Variants in CAMK2B observed in about 807,000 individuals in gnomAD.
The protein encoded by CAMK2B is calcium/calmodulin-dependent protein kinase type II subunit beta.
Under a neutral mutation model 93.7 loss-of-function variants are expected in CAMK2B, and 27 were observed. The observed-to-expected ratio is 0.29, with a 90% CI of 0.21 to 0.40. The LOEUF is 0.40. Ranked by LOEUF, CAMK2B falls within the 10% of genes least tolerant of loss-of-function variation. CAMK2B has a pLI of 1.00. For missense variants in CAMK2B, 568 were observed against 895.8 expected, an observed-to-expected ratio of 0.63 and a Z score of 4.67; for synonymous variants, 374 against 358.8, an observed-to-expected ratio of 1.04 and a Z score of -0.48.
At position 44,234,441 on chromosome 7, in the gene CAMK2B, T is replaced by C; in HGVS notation, c.1080A>G (p.Lys360=). Residue 360 remains lysine, a synonymous_variant, in exon 15 of 24, where the codon AAA becomes AAG. Coordinates refer to ENST00000395749, the MANE Select transcript of CAMK2B (RefSeq NM_001220.5). ...DGVKPQTNST[K]NSAAATSPKG... ...TGGGGCTGGTGGCGGCTGCACTGTTTTTGGTGCTATTCGTCTGGGGCTGTG... is the reference window on the plus strand; with the variant it reads ...TGGGGCTGGTGGCGGCTGCACTGTTCTTGGTGCTATTCGTCTGGGGCTGTG... 1.3e-6 allele frequency: 2 copies of C among 1,557,314 alleles called. No individual in the cohort carries two copies. Among genetic ancestry groups the C allele is most frequent in the Non-Finnish European group, 8.7e-7 (1 of 1,155,378 alleles).
chr7:44,301,631 G>C (rs1790060668), intron 1 of CAMK2B, among the ~76,000 whole-genome samples: 2 of 152,048 alleles, frequency 1.3e-5, no homozygotes, highest in African/African-American at 4.8e-5. Flanking sequence ...ACAAAATCTA[G>C]CCGGGCATGG....
chr7:44,240,704 C>T lies in CAMK2B; in HGVS notation c.946+3G>A, dbSNP rs781621914. 3 of 1,613,864 alleles carry T rather than the reference C, an allele frequency of 1.9e-6. No individual in the cohort carries two copies. Among genetic ancestry groups the T allele is most frequent in the African/African-American group, 1.3e-5 (1 of 74,944 alleles). On this transcript the variant is annotated splice_donor_region_variant and intron_variant, in intron 12 of 23. Transcript: ENST00000395749. ...CCTGTCTCCCTGGAGAAGAAAGGCT[C>T]ACCTGAGAAATTCCGTGTGGCCAGC...
At chr7:44,322,560 G>C (rs34585441) in intron 1 of CAMK2B, among the ~76,000 whole-genome samples, 1 of 152,168 alleles carries the variant, frequency 6.6e-6, no homozygotes, top group Non-Finnish European at 1.5e-5. Context: ...GGGCCATGCC[G>C]GGCTGAGGGC....
chr7:44,228,681 C>T (rs775706025), intron 19 of CAMK2B, 115 bp downstream of exon 19: 30 of 1,018,742 alleles, frequency 2.9e-5, no homozygotes, highest in African/African-American at 1.0e-4. Context: ...CTCCAGGCTG[C>T]GGCGCCGGGG....
intron 13 of CAMK2B, among the ~76,000 whole-genome samples, chr7:44,235,698 G>A (rs990786735): frequency 2.0e-5 from 3 of 152,168 alleles, no homozygotes; most frequent in African/African-American, 7.2e-5. Flanking sequence ...AGGGCCATGC[G>A]GCCAGCCGGT....
At chr7:44,294,737 T>A (rs898708111) in intron 1 of CAMK2B, among the ~76,000 whole-genome samples, 3 of 152,156 alleles carry the variant, frequency 2.0e-5, no homozygotes, top group African/African-American at 7.2e-5. Context: ...TGGCCATATA[T>A]AGGCTGGTGT....
intron 1 of CAMK2B, among the ~76,000 whole-genome samples, chr7:44,289,114 C>A (rs560275655): frequency 1.3e-5 from 2 of 152,198 alleles, no homozygotes; most frequent in Non-Finnish European, 2.9e-5. Flanking sequence ...GCTGCCCCCC[C>A]AACCCTCGTG....
chr7:44,219,853 C>T (rs946910604), intron 23 of CAMK2B, among the ~76,000 whole-genome samples: 3 of 152,160 alleles, frequency 2.0e-5, no homozygotes, highest in Admixed American at 6.5e-5. Context: ...CTCACCAGCT[C>T]CCCAGTCCTC....
At chr7:44,244,924 G>A (rs527499584) in intron 6 of CAMK2B, 19 of 455,906 alleles carry the variant, frequency 4.2e-5, no homozygotes, top group East Asian at 1.4e-4. Flanking sequence ...TGGGGCACAC[G>A]CATCCGTGTC....
chr7:44,262,347 G>A (rs368524982), intron 3 of CAMK2B, among the ~76,000 whole-genome samples: 8 of 152,150 alleles, frequency 5.3e-5, no homozygotes, highest in Middle Eastern at 3.2e-3. Flanking sequence ...GCTGCTCCCC[G>A]ACAAAGGCAA....
At chr7:44,277,234 A>T (rs1189905978) in intron 2 of CAMK2B, among the ~76,000 whole-genome samples, 1 of 152,086 alleles carries the variant, frequency 6.6e-6, no homozygotes, top group Non-Finnish European at 1.5e-5. Context: ...GTGCCTAATG[A>T]TCTCTTTACC....
intron 3 of CAMK2B, 85 bp downstream of exon 3, chr7:44,262,920 T>C: frequency 8.3e-7 from 1 of 1,207,312 alleles, no homozygotes. Flanking sequence ...TGCATCTCTT[T>C]GAAAGTCTGA....
At chr7:44,276,953 T>A (rs2129074579) in intron 2 of CAMK2B, among the ~76,000 whole-genome samples, 1 of 152,306 alleles carries the variant, frequency 6.6e-6, no homozygotes, top group Admixed American at 6.5e-5. Context: ...ACAGCGTCGA[T>A]GATGCCAGGA....
At chr7:44,256,531 G>A (rs968430190) in intron 4 of CAMK2B, among the ~76,000 whole-genome samples, 5 of 152,216 alleles carry the variant, frequency 3.3e-5, no homozygotes, top group African/African-American at 1.2e-4. Context: ...GTACATATGT[G>A]TGCTTGTGTA....
At chr7:44,304,883 T>C (rs1302498908) in intron 1 of CAMK2B, among the ~76,000 whole-genome samples, 1 of 152,152 alleles carries the variant, frequency 6.6e-6, no homozygotes, top group African/African-American at 2.4e-5. Context: ...AATTTTTCCA[T>C]ACAGACAAAA....
intron 1 of CAMK2B, among the ~76,000 whole-genome samples, chr7:44,304,607 CA>C (rs1224581033): frequency 1.3e-5 from 2 of 152,112 alleles, no homozygotes; most frequent in African/African-American, 4.8e-5. Flanking sequence ...GAGGGAGAGA[CA>C]AATAGGTGGA....
chr7:44,220,531 C>G (rs773950299), intron 22 of CAMK2B, 85 bp downstream of exon 22: 1 of 1,188,916 alleles, frequency 8.4e-7, no homozygotes, highest in Non-Finnish European at 1.2e-6. Flanking sequence ...CTTCCATAGG[C>G]AGCCACCATG....
chr7:44,287,979 A>C (rs1279218102), intron 1 of CAMK2B, among the ~76,000 whole-genome samples: 3 of 152,230 alleles, frequency 2.0e-5, no homozygotes, highest in Non-Finnish European at 4.4e-5. Flanking sequence ...GTGATATAGG[A>C]GCCAGAACTG....
At chr7:44,270,076 C>G (rs1290977260) in intron 2 of CAMK2B, among the ~76,000 whole-genome samples, 2 of 122,812 alleles carry the variant, frequency 1.6e-5, no homozygotes, top group South Asian at 5.2e-4. Flanking sequence ...AAGAACGTAC[C>G]CCCCCCCCAT....
Sources: gnomAD v4.1 joint callset for allele counts (sites outside exome capture counted in the v4.1 genomes callset) on GRCh38, gnomAD v4.1.1 for gene constraint, MANE v1.5 for transcripts, NCBI Gene and HGNC (gene_info 2026-07-23, HGNC 2026-07-21) for gene names.